Variants in DERPC observed in about 807,000 individuals in gnomAD.
DERPC encodes the protein DERPC proline and glycine rich nuclear protein, also known as decreased expression in renal and prostate cancer protein.
A neutral mutation model predicts 7.2 loss-of-function variants in DERPC; 1 was observed. The ratio of observed to expected loss-of-function variants is 0.14; its 90% confidence interval spans 0.05 to 0.66. DERPC has a LOEUF of 0.66. DERPC is among the 30% of genes least tolerant of loss of function. The pLI, the probability that DERPC is intolerant of heterozygous loss-of-function variation, is 0.84. For synonymous variants in DERPC, 185 were observed against 117.6 expected, an observed-to-expected ratio of 1.57 and a Z score of -3.71; for missense variants, 502 against 299.4, an observed-to-expected ratio of 1.68 and a Z score of -4.99.
chr16:69,125,318 C>G (rs1400175283), intron 1 of DERPC, among the ~76,000 whole-genome samples: 1 of 152,166 alleles, frequency 6.6e-6, no homozygotes, highest in Non-Finnish European at 1.5e-5. Flanking sequence ...ACCATCATCA[C>G]AAGTCTATGA....
Position 69,129,863 on chromosome 16 carries a change from G to C in DERPC, c.-280+2621C>G, listed in dbSNP as rs573488544. On this transcript the variant is annotated intron_variant, in intron 1 of 2. Transcript: ENST00000519520. ...TTGCCACCAAAGTATTATATCTGTG[G>C]GGTAGGCAGCTAAAAACAAAGAAGC... 1.6e-4 allele frequency among the ~76,000 whole-genome samples: 24 copies of C among 152,284 alleles called. No homozygotes were observed. In the South Asian group the frequency reaches 4.6e-3, roughly 29 times the overall value.
Position 69,118,280 on chromosome 16 carries a change from A to T in DERPC, c.*574T>A. ...CCCAGGAGAAGGGAGCTGCAGGCCC[A>T]GTCAGTCAAGCAGAAACTGCATTCG... On this transcript the variant is annotated 3_prime_UTR_variant, in exon 3 of 3. Coordinates refer to ENST00000519520, the MANE Select transcript of DERPC (RefSeq NM_001002847.4). The T allele has an allele frequency of 1.1e-6, 1 of 928,520 alleles. No homozygotes were observed. Among genetic ancestry groups the T allele is most frequent in the Non-Finnish European group, 1.8e-6 (1 of 562,058 alleles). 57.5% of individuals were successfully genotyped at this position (928,520 alleles called of 1,614,324 possible).
At position 69,118,673 on chromosome 16, in the gene DERPC, C is replaced by A. The variant is rs1348823786; in HGVS notation, c.*181G>T. 4 of 678,650 alleles carry A rather than the reference C, an allele frequency of 5.9e-6. No individual in the cohort carries two copies. Among genetic ancestry groups the A allele is most frequent in the African/African-American group, 5.3e-5 (3 of 56,076 alleles). 42.0% of individuals were successfully genotyped at this position (678,650 alleles called of 1,614,324 possible). On this transcript the variant is annotated 3_prime_UTR_variant, in exon 3 of 3. Coordinates refer to ENST00000519520, the MANE Select transcript of DERPC (RefSeq NM_001002847.4). ...ATTCCCACCTGCCACAGTTCACATG[C>A]CACAAATAACATCTCACCTTCAGTC... is the stretch of plus-strand genomic sequence containing the variant.
rs199824719 is a variant in DERPC, at chr16:69,119,621, G to A, written c.808C>T (p.Pro270Ser). Residue 270 changes from proline to serine, a missense_variant, in exon 3 of 3, where the codon CCT becomes TCT. Transcript: ENST00000519520. The stretch of plus-strand genomic sequence containing the variant: ...ATGGGGGCAAGATCGAGGCCTTGAG[G>A]TCCAGCCATTCTTAAGTTAAGACCA... ...GSGLNLRMAG[P>S]QGLDLAPILR... 904 of 692,104 alleles carry A rather than the reference G, an allele frequency of 1.3e-3. 15 individuals carry two copies. The highest frequency in any genetic ancestry group is 5.0e-4 in the Non-Finnish European group (191 of 378,934). The allele number at this position is 692,104 out of a possible 1,614,324, so 42.9% of individuals were successfully genotyped here.
In DERPC at chr16:69,120,793, C is replaced by T; in HGVS notation, c.-221-144G>A. 1 of 750,820 alleles carries T rather than the reference C, an allele frequency of 1.3e-6. No homozygotes were observed. Among genetic ancestry groups the T allele is most frequent in the South Asian group, 1.7e-5 (1 of 60,196 alleles). 46.5% of individuals were successfully genotyped at this position (750,820 alleles called of 1,614,324 possible). On this transcript the variant is annotated intron_variant, in intron 2 of 2. Coordinates refer to ENST00000519520, the MANE Select transcript of DERPC (RefSeq NM_001002847.4). This position sits in a 1 kb window ranked among gnomAD's most constrained non-coding sequence, Gnocchi z 4.0. ...GCCATTGTTGAGCAGCCACACTGGA[C>T]CACCCACCCATGTGCCCTTTTTACT...
chr16:69,123,561 G>GT (rs1181363861), intron 1 of DERPC, among the ~76,000 whole-genome samples: 4 of 152,182 alleles, frequency 2.6e-5, no homozygotes, highest in African/African-American at 9.6e-5. Context: ...GCAGGCTGAG[G>GT]TAAGAGAATC....
chr16:69,120,905 GT>G lies in DERPC; in HGVS notation c.-221-257del. 6.2e-6 allele frequency: 5 copies of G among 808,034 alleles called. No homozygotes were observed. Among genetic ancestry groups the G allele is most frequent in the Middle Eastern group, 4.4e-4 (2 of 4,500 alleles). 50.1% of individuals were successfully genotyped at this position (808,034 alleles called of 1,614,324 possible). On this transcript the variant is annotated intron_variant, in intron 2 of 2. Coordinates refer to ENST00000519520, the MANE Select transcript of DERPC (RefSeq NM_001002847.4). This position sits in a 1 kb window ranked among gnomAD's most constrained non-coding sequence, Gnocchi z 4.0. ...ATTAAATTTCCCTGCTACTGCAGAG[GT>G]AGGGGGAGAACAAGCAGAGAGCATC...
chr16:69,118,930 C>T lies in DERPC; in HGVS notation c.1499G>A (p.Gly500Asp). ...VPFPRVGSLP[G>D]TNPAAFPRPG... ...TCTGGGGAAAGCAGCTGGGTTTGTG[C>T]CAGGGAGGCTCCCCACTCTAGGAAA... is the stretch of plus-strand genomic sequence containing the variant. Residue 500 changes from glycine (G) to aspartate (D), a missense_variant, in exon 3 of 3, where the codon GGC becomes GAC. Coordinates refer to ENST00000519520, the MANE Select transcript of DERPC (RefSeq NM_001002847.4). 1 of 703,034 alleles carries T rather than the reference C, an allele frequency of 1.4e-6. No individual in the cohort carries two copies. The highest frequency in any genetic ancestry group is 2.6e-6 in the Non-Finnish European group (1 of 385,012). The allele number at this position is 703,034 out of a possible 1,614,324, so 43.5% of individuals were successfully genotyped here. A position where few individuals can be genotyped will look rare whatever the true frequency, so the allele number is the denominator to read the frequency against.
At chr16:69,132,451 G>A (rs1383643399) in intron 1 of DERPC, 33 bp downstream of exon 1, 2 of 177,616 alleles carry the variant, frequency 1.1e-5, no homozygotes, top group Non-Finnish European at 2.1e-5. Flanking sequence ...CTCGCTCCCC[G>A]CAGCCTCCCG....
Position 69,118,127 on chromosome 16 carries a change from A to ACCCCCCC in DERPC, c.*726_*727insGGGGGGG. ...CAGTGATTTCTTCCCTTCATCCCCC[A>ACCCCCCC]CCCCCACCCTAATTCCCATATTCCC... On this transcript the variant is annotated 3_prime_UTR_variant, in exon 3 of 3. Coordinates refer to ENST00000519520, the MANE Select transcript of DERPC (RefSeq NM_001002847.4). 7.2e-6 allele frequency: 1 copy of ACCCCCCC among 138,046 alleles called. No individual in the cohort carries two copies. The highest frequency in any genetic ancestry group is 1.4e-5 in the Non-Finnish European group (1 of 69,834). The allele number at this position is 138,046 out of a possible 1,614,324, so 8.6% of individuals were successfully genotyped here. A position where few individuals can be genotyped will look rare whatever the true frequency, so the allele number is the denominator to read the frequency against.
chr16:69,118,707 C>T lies in DERPC; in HGVS notation c.*147G>A, dbSNP rs1021780891. The T allele has an allele frequency of 2.2e-5, 14 of 650,152 alleles. No individual in the cohort carries two copies. Among genetic ancestry groups the T allele is most frequent in the African/African-American group, 7.3e-5 (4 of 55,152 alleles). 40.3% of individuals were successfully genotyped at this position (650,152 alleles called of 1,614,324 possible). A position where few individuals can be genotyped will look rare whatever the true frequency, so the allele number is the denominator to read the frequency against. On this transcript the variant is annotated 3_prime_UTR_variant, in exon 3 of 3. Coordinates refer to ENST00000519520, the MANE Select transcript of DERPC (RefSeq NM_001002847.4). ...ACATCTCACCTTCAGTCAAGAAAAA[C>T]GCAAAGGAAAAAGATGGCTCATTTG...
In DERPC at chr16:69,118,883, T is replaced by C. The variant is rs567029867; in HGVS notation, c.1546A>G (p.Met516Val). ...FPRPGGPMAA[M>V]YPNGMLPP The stretch of plus-strand genomic sequence containing the variant: ...GGGGGCAACATTCCATTTGGGTACA[T>C]TGCAGCCATTGGACCCCCTGGTCTG... Residue 516 changes from methionine to valine, a missense_variant, in exon 3 of 3, where the codon ATG becomes GTG. Met to Val is a conservative substitution (Grantham distance 21). Coordinates refer to ENST00000519520, the MANE Select transcript of DERPC (RefSeq NM_001002847.4). 71 of 702,888 alleles carry C rather than the reference T, an allele frequency of 1.0e-4. No homozygotes were observed. The highest frequency in any genetic ancestry group is 1.6e-4 in the Non-Finnish European group (62 of 384,972). 43.5% of individuals were successfully genotyped at this position (702,888 alleles called of 1,614,324 possible).
Position 69,121,431 on chromosome 16 carries a change from C to T in DERPC, c.-222+5G>A, listed in dbSNP as rs775487827. On this transcript the variant is annotated splice_donor_5th_base_variant and intron_variant, in intron 2 of 2. Coordinates refer to ENST00000519520, the MANE Select transcript of DERPC (RefSeq NM_001002847.4). ...CCAAATTTTAAAATCTCAAAATGTA[C>T]TTACCTGGAAATAACAATTTGCACC... The T allele has an allele frequency of 5.0e-6, 8 of 1,606,674 alleles. No individual in the cohort carries two copies. Among genetic ancestry groups the T allele is most frequent in the Admixed American group, 1.7e-5 (1 of 57,726 alleles).
intron 1 of DERPC, among the ~76,000 whole-genome samples, chr16:69,125,484 T>G (rs903867119): frequency 2.0e-5 from 3 of 152,236 alleles, no homozygotes. Flanking sequence ...CAATTCTGCC[T>G]TCCCAAAGGA....
intron 1 of DERPC, among the ~76,000 whole-genome samples, chr16:69,129,235 C>T (rs1962311968): frequency 6.6e-6 from 1 of 151,834 alleles, no homozygotes; most frequent in Non-Finnish European, 1.5e-5. Context: ...TCGAGATCAT[C>T]CTGGATAACA....
intron 1 of DERPC, among the ~76,000 whole-genome samples, chr16:69,124,883 T>C (rs1473395303): frequency 2.6e-5 from 4 of 151,954 alleles, no homozygotes; most frequent in African/African-American, 4.8e-5. Context: ...ACCAAACACT[T>C]TGGGAACATG....
intron 1 of DERPC, among the ~76,000 whole-genome samples, chr16:69,128,885 G>A (rs1026218314): frequency 5.9e-5 from 9 of 152,012 alleles, no homozygotes; most frequent in Non-Finnish European, 1.0e-4. Context: ...CCAACATGGT[G>A]AAACCCAGTT....
At chr16:69,127,039 G>T (rs1962110485) in intron 1 of DERPC, among the ~76,000 whole-genome samples, 1 of 152,082 alleles carries the variant, frequency 6.6e-6, no homozygotes, top group Non-Finnish European at 1.5e-5. Context: ...CTGAAGTCAG[G>T]AGTTTGAGGC....
At position 69,118,690 on chromosome 16, in the gene DERPC, C is replaced by A. The variant is rs1283965863; in HGVS notation, c.*164G>T. Reference sequence around the variant, plus strand: ...TTCACATGCCACAAATAACATCTCACCTTCAGTCAAGAAAAACGCAAAGGA... The same window carrying A: ...TTCACATGCCACAAATAACATCTCAACTTCAGTCAAGAAAAACGCAAAGGA... On this transcript the variant is annotated 3_prime_UTR_variant, in exon 3 of 3. Coordinates refer to ENST00000519520, the MANE Select transcript of DERPC (RefSeq NM_001002847.4). 5 of 662,464 alleles carry A rather than the reference C, an allele frequency of 7.5e-6. No individual in the cohort carries two copies. The highest frequency in any genetic ancestry group is 1.1e-5 in the Non-Finnish European group (4 of 367,086). 41.0% of individuals were successfully genotyped at this position (662,464 alleles called of 1,614,324 possible).
Sources: gnomAD v4.1 joint callset for allele counts (sites outside exome capture counted in the v4.1 genomes callset) on GRCh38, gnomAD v4.1.1 for gene constraint, Gnocchi (gnomAD v3.1) non-coding constraint, MANE v1.5 for transcripts, NCBI Gene and HGNC (gene_info 2026-07-23, HGNC 2026-07-21) for gene names.